Variants in GRID1 observed in about 807,000 individuals in gnomAD.
GRID1 encodes glutamate receptor ionotropic, delta-1.
GRID1 carries 28 observed loss-of-function variants against 98.0 expected under a neutral mutation model. The ratio of observed to expected loss-of-function variants is 0.29; its 90% CI spans 0.21 to 0.39. The LOEUF is 0.39. Among genes scored for constraint, GRID1 ranks in the 10% least tolerant of loss-of-function variants. The pLI is 1.00. For missense variants in GRID1, 1,111 were observed against 1,340.5 expected (o/e 0.83, Z 2.67); for synonymous variants, 553 against 538.5 (o/e 1.03, Z -0.37).
intron 5 of GRID1, among the ~76,000 whole-genome samples, chr10:85,881,674 G>T (rs1196748549): frequency 6.6e-6 from 1 of 152,152 alleles, no homozygotes; most frequent in Non-Finnish European, 1.5e-5. Flanking sequence ...AAAAACCCTA[G>T]AAGAAAACCT....
chr10:85,700,386 T>C (rs1194410548), intron 12 of GRID1, among the ~76,000 whole-genome samples: 2 of 152,204 alleles, frequency 1.3e-5, no homozygotes, highest in Non-Finnish European at 2.9e-5. Flanking sequence ...CTATGCCTTG[T>C]TGTCTTTCTT....
intron 4 of GRID1, among the ~76,000 whole-genome samples, chr10:86,070,557 G>T (rs997882085): frequency 8.5e-5 from 13 of 152,124 alleles, no homozygotes; most frequent in Admixed American, 5.9e-4. Context: ...AGGGAATCCT[G>T]CAGGGTGCCG....
At chr10:86,082,520 A>T (rs901291504) in intron 4 of GRID1, among the ~76,000 whole-genome samples, 8 of 152,168 alleles carry the variant, frequency 5.3e-5, no homozygotes, top group Non-Finnish European at 1.0e-4. Context: ...CATTGCAATA[A>T]CTTCTAACTG....
chr10:86,335,648 C>T (rs1848211407), intron 2 of GRID1, among the ~76,000 whole-genome samples: 1 of 152,210 alleles, frequency 6.6e-6, no homozygotes, highest in South Asian at 2.1e-4. Context: ...TGAAGAAACA[C>T]ACTCATGAGG....
chr10:85,929,701 A>G (rs1841823328), intron 4 of GRID1, among the ~76,000 whole-genome samples: 1 of 152,232 alleles, frequency 6.6e-6, no homozygotes, highest in Non-Finnish European at 1.5e-5. Context: ...TTTAAAAGGC[A>G]GAATTAAAAG....
In GRID1 at chr10:85,851,186, C is replaced by T. The variant is rs553059130; in HGVS notation, c.1233+3310G>A. 2.0e-5 allele frequency among the ~76,000 whole-genome samples: 3 copies of T among 152,218 alleles called. No homozygotes were observed. The East Asian group carries it at 5.8e-4, about 29-fold the overall frequency. On this transcript the variant is annotated intron_variant, in intron 8 of 15. Coordinates refer to ENST00000327946, the MANE Select transcript of GRID1 (RefSeq NM_017551.3). The stretch of plus-strand genomic sequence containing the variant: ...CTGAGCCCTGAAAAAAACATGACAC[C>T]AACAGGATAAAAGAAGCATATACCA...
At chr10:86,281,984 C>T (rs1847363652) in intron 2 of GRID1, among the ~76,000 whole-genome samples, 1 of 152,160 alleles carries the variant, frequency 6.6e-6, no homozygotes. Context: ...GTGGAAAGCA[C>T]AATAGCCCAG....
chr10:85,697,458 A>G (rs1275452796), intron 12 of GRID1, among the ~76,000 whole-genome samples: 1 of 152,146 alleles, frequency 6.6e-6, no homozygotes. Flanking sequence ...TACTGTTTAC[A>G]TGGTATATCT....
intron 5 of GRID1, among the ~76,000 whole-genome samples, chr10:85,900,814 T>C (rs569572001): frequency 6.6e-6 from 1 of 152,342 alleles, no homozygotes; most frequent in African/African-American, 2.4e-5. Flanking sequence ...GTTCAGTACA[T>C]GTATGACGAA....
At chr10:86,134,015 G>T (rs1370715407) in intron 4 of GRID1, among the ~76,000 whole-genome samples, 1 of 152,262 alleles carries the variant, frequency 6.6e-6, no homozygotes, top group African/African-American at 2.4e-5. Flanking sequence ...CAAAAGGAAA[G>T]AGGGAGGCCT....
chr10:86,366,385 G>C lies in GRID1; in HGVS notation c.8C>G (p.Ala3Gly). 2 of 1,507,292 alleles carry C rather than the reference G, an allele frequency of 1.3e-6. No homozygotes were observed. Among genetic ancestry groups the C allele is most frequent in the Non-Finnish European group, 1.8e-6 (2 of 1,125,064 alleles). The allele number at this position is 1,507,292 out of a possible 1,614,324, so 93.4% of individuals were successfully genotyped here. Residue 3 changes from alanine to glycine, a missense_variant, in exon 1 of 16, where the codon GCG becomes GGG. Physicochemically the swap from Ala to Gly is moderately conservative, Grantham distance 60 (BLOSUM62 0). Transcript: ENST00000327946. The surrounding 1 kb of genome is among the most constrained non-coding windows in gnomAD (Gnocchi z 4.1). ...CCAGGGGAGAAGCCACAGCGTCAGC[G>C]CTTCCATGTCCCCCGGGCGCGCGGC... The part of the protein sequence containing the change: ME[A>G]LTLWLLPWIC...
rs1395041156 is a variant in GRID1 at position 86,228,228 on chromosome 10, G to A, written c.236-21580C>T. On this transcript the variant is annotated intron_variant, in intron 2 of 15. Coordinates refer to ENST00000327946, the MANE Select transcript of GRID1 (RefSeq NM_017551.3). ...GGGTGGGTGAGTAGGTGGCCGGATG[G>A]ATGTGTACATGGGTGGATGGAGGGG... is the stretch of plus-strand genomic sequence containing the variant. Among the ~76,000 whole-genome samples, 3 of 144,976 alleles carry A rather than the reference G, an allele frequency of 2.1e-5. No homozygotes were observed. In the Admixed American group the frequency reaches 2.1e-4, roughly 10 times the overall value.
intron 12 of GRID1, among the ~76,000 whole-genome samples, chr10:85,716,283 C>G (rs1194214913): frequency 1.3e-5 from 2 of 152,032 alleles, no homozygotes; most frequent in Non-Finnish European, 2.9e-5. Context: ...AGCTGGAAAC[C>G]ATCATTCTGA....
intron 4 of GRID1, among the ~76,000 whole-genome samples, chr10:86,063,907 T>C (rs1843683455): frequency 1.3e-5 from 2 of 151,996 alleles, no homozygotes; most frequent in South Asian, 4.2e-4. Context: ...AGTATAGAGA[T>C]GAAGAGTTGC....
At chr10:85,732,931 T>A (rs1259909248) in intron 8 of GRID1, among the ~76,000 whole-genome samples, 1 of 152,158 alleles carries the variant, frequency 6.6e-6, no homozygotes, top group Non-Finnish European at 1.5e-5. Flanking sequence ...CCTCCTGATA[T>A]TTGTATCTAG....
At chr10:85,832,088 T>G (rs907756382) in intron 8 of GRID1, among the ~76,000 whole-genome samples, 6 of 152,182 alleles carry the variant, frequency 3.9e-5, no homozygotes, top group Admixed American at 3.9e-4. Context: ...ACAATTTAGA[T>G]GAAGTGGAAA....
At chr10:85,771,561 C>T (rs1016048406) in intron 8 of GRID1, among the ~76,000 whole-genome samples, 20 of 152,102 alleles carry the variant, frequency 1.3e-4, no homozygotes, top group Non-Finnish European at 2.4e-4. Context: ...CATCAGTGTG[C>T]TGTATTCAGG....
intron 5 of GRID1, among the ~76,000 whole-genome samples, chr10:85,903,967 C>A (rs1348441364): frequency 6.6e-6 from 1 of 152,200 alleles, no homozygotes; most frequent in East Asian, 1.9e-4. Context: ...ACAGATTTCT[C>A]ATGGGCACCC....
At chr10:85,937,564 C>G (rs1021683835) in intron 4 of GRID1, among the ~76,000 whole-genome samples, 1 of 152,164 alleles carries the variant, frequency 6.6e-6, no homozygotes, top group African/African-American at 2.4e-5. Context: ...TATCATAGCC[C>G]ATTGCTCTTG....
Sources: allele counts gnomAD v4.1 joint callset (sites outside exome capture counted in the v4.1 genomes callset), GRCh38; gene constraint gnomAD v4.1.1; non-coding constraint Gnocchi (gnomAD v3.1); transcripts MANE v1.5; gene names NCBI Gene and HGNC (gene_info 2026-07-23, HGNC 2026-07-21).